Variants in PDZD8 observed in about 807,000 individuals in gnomAD.
PDZD8 encodes PDZ domain-containing protein 8.
In PDZD8, 14 loss-of-function variants were observed where a neutral mutation model predicts 85.8. The observed-to-expected ratio is 0.16, with a 90% confidence interval of 0.11 to 0.26. The LOEUF (loss-of-function observed/expected upper bound fraction) is 0.26, where lower values mean the gene tolerates loss of function less well. Ranked by LOEUF, PDZD8 falls within the 10% of genes least tolerant of loss-of-function variation. The pLI, the probability that PDZD8 is intolerant of heterozygous loss-of-function variation, is 1.00. For synonymous variants in PDZD8, 592 were observed against 568.6 expected (o/e 1.04, Z -0.59); for missense variants, 1,197 against 1,424.3 (o/e 0.84, Z 2.57).
At chr10:117,330,517 C>T (rs1589570955) in intron 2 of PDZD8, among the ~76,000 whole-genome samples, 1 of 152,168 alleles carries the variant, frequency 6.6e-6, no homozygotes, top group Admixed American at 6.5e-5. Flanking sequence ...ATACATAACT[C>T]TCCTACACTC....
rs747295337 is a variant in PDZD8, at chr10:117,285,060, G to T, written c.1673C>A (p.Ser558Tyr). 37 of 1,613,936 alleles carry T rather than the reference G, an allele frequency of 2.3e-5. No individual in the cohort carries two copies. Among genetic ancestry groups the T allele is most frequent in the Admixed American group, 5.0e-5 (3 of 60,006 alleles). The stretch of plus-strand genomic sequence containing the variant: ...GGGTGGAGGTTTATTTCCATCTTTG[G>T]ACTGAATTTTCGGTGGTAGTGGGTG... ...GSHPLPPKIQ[S>Y]KDGNKPPPLK... Residue 558 changes from serine to tyrosine, a missense_variant, in exon 5 of 5, where the codon TCC becomes TAC. Physicochemically the swap from Ser to Tyr is moderately radical, Grantham distance 144. Transcript: ENST00000334464.
intron 4 of PDZD8, among the ~76,000 whole-genome samples, chr10:117,287,419 T>C (rs949266392): frequency 6.6e-6 from 1 of 152,220 alleles, no homozygotes; most frequent in Non-Finnish European, 1.5e-5. Flanking sequence ...ACTTTTTCTT[T>C]GGTTTCCCTT....
In PDZD8 at chr10:117,281,010, G is replaced by A. The variant is rs1160384448; in HGVS notation, c.*2258C>T. ...GCAGATTGCCTCAAGTGTAAGTTAT[G>A]GAACAATACTTTAGCTTTCAGGGAA... On this transcript the variant is annotated 3_prime_UTR_variant, in exon 5 of 5. Coordinates refer to ENST00000334464, the MANE Select transcript of PDZD8 (RefSeq NM_173791.5). The A allele has an allele frequency of 6.6e-6, 1 of 152,152 alleles. No individual in the cohort carries two copies. The highest frequency in any genetic ancestry group is 2.4e-5 in the African/African-American group (1 of 41,416). The allele number at this position is 152,152 out of a possible 1,614,324, so 9.4% of individuals were successfully genotyped here.
At chr10:117,305,471 T>TACACACACACACACACAC (rs57037106) in intron 3 of PDZD8, among the ~76,000 whole-genome samples, 29 of 141,802 alleles carry the variant, frequency 2.0e-4, no homozygotes, top group East Asian at 6.3e-4. Flanking sequence ...TACACACACA[T>TACACACACACACACACAC]ACACACACAC....
intron 1 of PDZD8, among the ~76,000 whole-genome samples, chr10:117,342,427 CAT>C (rs1554855846): frequency 0.011 from 1,450 of 137,374 alleles, 19 homozygotes; most frequent in African/African-American, 0.035. Flanking sequence ...CACACACACA[CAT>C]AGTCAAAAGT....
chr10:117,357,764 TC>T (rs759054333), intron 1 of PDZD8, among the ~76,000 whole-genome samples: 169 of 15,842 alleles, frequency 0.011, 51 homozygotes, highest in Middle Eastern at 0.17. Flanking sequence ...AGACTTCATC[TC>T]CAAAAAAAAA....
At chr10:117,299,404 C>T (rs1843809210) in intron 3 of PDZD8, among the ~76,000 whole-genome samples, 1 of 152,116 alleles carries the variant, frequency 6.6e-6, no homozygotes, top group African/African-American at 2.4e-5. Context: ...TCCCTCAAAT[C>T]AGTTTTCCAG....
At chr10:117,339,283 T>C (rs1844569793) in intron 2 of PDZD8, among the ~76,000 whole-genome samples, 1 of 152,216 alleles carries the variant, frequency 6.6e-6, no homozygotes. Context: ...AAAAGTCATA[T>C]GTACCAAGTA....
intron 2 of PDZD8, among the ~76,000 whole-genome samples, chr10:117,327,261 T>A (rs1380049970): frequency 1.3e-5 from 2 of 152,176 alleles, no homozygotes; most frequent in Non-Finnish European, 2.9e-5. Context: ...TACTAAAGGA[T>A]CTCACCTAGG....
intron 2 of PDZD8, among the ~76,000 whole-genome samples, chr10:117,328,139 A>AT (rs1322386520): frequency 1.6e-4 from 25 of 152,168 alleles, no homozygotes; most frequent in African/African-American, 6.0e-4. Context: ...CAACTTATTT[A>AT]TTTTGTTTGC....
At chr10:117,304,041 C>T (rs980860020) in intron 3 of PDZD8, among the ~76,000 whole-genome samples, 11 of 152,154 alleles carry the variant, frequency 7.2e-5, no homozygotes, top group African/African-American at 2.7e-4. Context: ...CCTCCAGAAC[C>T]CAGAATGGAA....
intron 2 of PDZD8, among the ~76,000 whole-genome samples, chr10:117,325,001 T>G (rs1443305672): frequency 6.6e-6 from 1 of 152,160 alleles, no homozygotes; most frequent in South Asian, 2.1e-4. Context: ...TCTGTTCTCC[T>G]TGTAAAAGGA....
rs57494461 is a variant in PDZD8 at position 117,281,351 on chromosome 10, C to CA, written c.*1916dup. The CA allele has an allele frequency of 8.8e-6, 1 of 113,936 alleles. No individual in the cohort carries two copies. The highest frequency in any genetic ancestry group is 3.9e-5 in the African/African-American group (1 of 25,884). 7.1% of individuals were successfully genotyped at this position (113,936 alleles called of 1,614,324 possible). On this transcript the variant is annotated 3_prime_UTR_variant, in exon 5 of 5. Coordinates refer to ENST00000334464, the MANE Select transcript of PDZD8 (RefSeq NM_173791.5). ...CCTGGGAGACAGCGAGACTCTGTCT[C>CA]AAAAAAAAAAAAAAAAAAAAAAAAA...
chr10:117,315,608 A>AAAC (rs1267817128), intron 3 of PDZD8, among the ~76,000 whole-genome samples: 2 of 151,112 alleles, frequency 1.3e-5, no homozygotes, highest in African/African-American at 4.9e-5. Context: ...AAAAAAAAAA[A>AAAC]AAAACAATAA....
In PDZD8 at chr10:117,375,263, G is replaced by A. The variant is rs990986445; in HGVS notation, c.-36C>T. On this transcript the variant is annotated 5_prime_UTR_variant, in exon 1 of 5. Coordinates refer to ENST00000334464, the MANE Select transcript of PDZD8 (RefSeq NM_173791.5). ...CCTCCGCCCGGGCCCCTACTCCCGCGCCCACAGCGCCGCTTTCTTCACGCC... is the reference window on the plus strand; with the variant it reads ...CCTCCGCCCGGGCCCCTACTCCCGCACCCACAGCGCCGCTTTCTTCACGCC... 7.7e-6 allele frequency: 11 copies of A among 1,423,702 alleles called. No homozygotes were observed. The highest frequency in any genetic ancestry group is 2.9e-5 in the Admixed American group (1 of 34,454). 88.2% of individuals were successfully genotyped at this position (1,423,702 alleles called of 1,614,324 possible). A position where few individuals can be genotyped will look rare whatever the true frequency, so the allele number is the denominator to read the frequency against.
At chr10:117,323,141 C>A (rs1401695011) in intron 2 of PDZD8, among the ~76,000 whole-genome samples, 1 of 152,114 alleles carries the variant, frequency 6.6e-6, no homozygotes, top group Non-Finnish European at 1.5e-5. Context: ...TCCAGAAGAA[C>A]AAGATCGTTC....
chr10:117,341,499 G>A (rs189665693), intron 1 of PDZD8, among the ~76,000 whole-genome samples: 13 of 152,256 alleles, frequency 8.5e-5, no homozygotes, highest in African/African-American at 2.4e-4. Context: ...ATCCATGGGG[G>A]ATTGGTTCCA....
chr10:117,350,268 C>CTTT (rs55833923), intron 1 of PDZD8, among the ~76,000 whole-genome samples: 1 of 137,728 alleles, frequency 7.3e-6, no homozygotes, highest in Non-Finnish European at 1.6e-5. Flanking sequence ...TTGTTTGTTT[C>CTTT]TTTTTTTTTT....
rs370252948 is a variant in PDZD8, at chr10:117,285,080, T to C, written c.1653A>G (p.Pro551=). The change falls in exon 5 of 5, where the codon CCA becomes CCG. Residue 551 remains proline (P), a synonymous_variant. Transcript: ENST00000334464. ...LNRKLAVGSH[P]LPPKIQSKDG... ...CTTTGGACTGAATTTTCGGTGGTAG[T>C]GGGTGACTTCCTACAGCTAATTTAC... is the stretch of plus-strand genomic sequence containing the variant. 6.8e-5 allele frequency: 109 copies of C among 1,613,824 alleles called. No homozygotes were observed. Among genetic ancestry groups the C allele is most frequent in the Non-Finnish European group, 8.8e-5 (104 of 1,179,838 alleles).
Sources: gnomAD v4.1 joint callset for allele counts (sites outside exome capture counted in the v4.1 genomes callset) on GRCh38, gnomAD v4.1.1 for gene constraint, MANE v1.5 for transcripts, NCBI Gene and HGNC (gene_info 2026-07-23, HGNC 2026-07-21) for gene names.